AMPH: variants seen among roughly 807,000 people sequenced by gnomAD.
AMPH encodes amphiphysin.
A neutral mutation model predicts 99.1 loss-of-function variants in AMPH; 49 were observed. The observed-to-expected ratio is 0.49, with a 90% CI of 0.39 to 0.63. The LOEUF (loss-of-function observed/expected upper bound fraction) is 0.63. AMPH is among the 20% of genes least tolerant of loss of function. The pLI is 0.00. For synonymous variants in AMPH, 314 were observed against 317.3 expected, an observed-to-expected ratio of 0.99 and a Z score of 0.11; for missense variants, 759 against 863.4, an observed-to-expected ratio of 0.88 and a Z score of 1.52.
chr7:38,449,677 T>C (rs1036488517), intron 11 of AMPH, among the ~76,000 whole-genome samples: 1 of 152,228 alleles, frequency 6.6e-6, no homozygotes, highest in Non-Finnish European at 1.5e-5. Context: ...CTGACTAAAT[T>C]TGGGCTTGAA....
chr7:38,520,155 TTC>T lies in AMPH; in HGVS notation c.150+14774_150+14775del, dbSNP rs367734151. Among the ~76,000 whole-genome samples the T allele has an allele frequency of 3.8e-3, 577 of 152,280 alleles. 5 individuals are homozygous for T. Among genetic ancestry groups the T allele is most frequent in the Non-Finnish European group, 6.5e-3 (442 of 68,016 alleles). ...TCAGTTTAACTATATCTATAAAACA[TTC>T]TGTTGGAATTATGATTTATATGGCC... On this transcript the variant is annotated intron_variant, in intron 2 of 20. Coordinates refer to ENST00000356264, the MANE Select transcript of AMPH (RefSeq NM_001635.4).
chr7:38,416,125 ATT>A (rs1562738554), intron 17 of AMPH, among the ~76,000 whole-genome samples: 1 of 133,776 alleles, frequency 7.5e-6, no homozygotes, highest in East Asian at 2.4e-4. Flanking sequence ...ATATATATAT[ATT>A]AGCTATTACA....
chr7:38,517,523 G>A (rs1789795691), intron 2 of AMPH, among the ~76,000 whole-genome samples: 1 of 152,128 alleles, frequency 6.6e-6, no homozygotes, highest in Admixed American at 6.5e-5. Flanking sequence ...GGAATCATGA[G>A]CCAATTAAAC....
chr7:38,534,179 G>T (rs1466641321), intron 2 of AMPH, among the ~76,000 whole-genome samples: 3 of 151,908 alleles, frequency 2.0e-5, no homozygotes, highest in African/African-American at 7.3e-5. Flanking sequence ...ACACTAAAAA[G>T]GTTTTCTTCA....
At chr7:38,468,778 T>C (rs527345044) in intron 7 of AMPH, among the ~76,000 whole-genome samples, 28 of 152,142 alleles carry the variant, frequency 1.8e-4, no homozygotes, top group Non-Finnish European at 3.4e-4. Context: ...AGCCAGTGAA[T>C]GAAGAAACTT....
chr7:38,427,563 T>C (rs1327599602), intron 14 of AMPH, among the ~76,000 whole-genome samples: 9 of 151,928 alleles, frequency 5.9e-5, no homozygotes, highest in Non-Finnish European at 4.4e-5. Context: ...ACATAGACTG[T>C]CATTAATTCC....
At chr7:38,428,348 C>T (rs1308299362) in intron 14 of AMPH, 3 of 456,564 alleles carry the variant, frequency 6.6e-6, no homozygotes, top group African/African-American at 2.0e-5. Context: ...TTCTTTCAGA[C>T]CCTTCTATTA....
At chr7:38,458,962 G>GA (rs1193057355) in intron 11 of AMPH, among the ~76,000 whole-genome samples, 2 of 151,822 alleles carry the variant, frequency 1.3e-5, no homozygotes, top group South Asian at 2.1e-4. Context: ...CTTATAGCTA[G>GA]AAAAAATGAA....
intron 5 of AMPH, among the ~76,000 whole-genome samples, chr7:38,482,593 A>G (rs1010595579): frequency 6.6e-6 from 1 of 152,236 alleles, no homozygotes; most frequent in Middle Eastern, 3.4e-3. Context: ...TTCTAAATAT[A>G]GTACAATAAC....
chr7:38,435,380 G>A (rs1241688793), intron 12 of AMPH, among the ~76,000 whole-genome samples: 1 of 152,120 alleles, frequency 6.6e-6, no homozygotes, highest in African/African-American at 2.4e-5. Context: ...CAAGGCCAGG[G>A]AATCAAGCTA....
chr7:38,570,830 G>A (rs980397493), intron 1 of AMPH, among the ~76,000 whole-genome samples: 3 of 144,410 alleles, frequency 2.1e-5, no homozygotes, highest in Non-Finnish European at 3.0e-5. Flanking sequence ...CCTTCCAGTA[G>A]GACAAGGCGT....
In AMPH at chr7:38,461,169, C is replaced by A. The variant is rs564854856; in HGVS notation, c.1017+114G>T. The A allele has an allele frequency of 1.8e-5, 22 of 1,223,828 alleles. No homozygotes were observed. The African/African-American group carries it at 2.4e-4, about 13-fold the overall frequency. The allele number at this position is 1,223,828 out of a possible 1,614,324, so 75.8% of individuals were successfully genotyped here. A position where few individuals can be genotyped will look rare whatever the true frequency, so the allele number is the denominator to read the frequency against. Reference sequence around the variant, plus strand: ...AAGTAATTAAAACAAGCCTGAATGACAATTAAAATTATGTTGTTGGTTCTG... The same window carrying A: ...AAGTAATTAAAACAAGCCTGAATGAAAATTAAAATTATGTTGTTGGTTCTG... On this transcript the variant is annotated intron_variant, in intron 11 of 20. Coordinates refer to ENST00000356264, the MANE Select transcript of AMPH (RefSeq NM_001635.4).
intron 11 of AMPH, among the ~76,000 whole-genome samples, chr7:38,444,277 C>G (rs1261343483): frequency 6.6e-6 from 1 of 152,100 alleles, no homozygotes; most frequent in Non-Finnish European, 1.5e-5. Flanking sequence ...AATATCTGTA[C>G]TGCTTTGAAT....
At chr7:38,392,275 G>A (rs6951108) in intron 18 of AMPH, among the ~76,000 whole-genome samples, 6,444 of 151,954 alleles carry the variant, frequency 0.042, 173 homozygotes, top group Admixed American at 0.065. Flanking sequence ...GTTTCGGTGG[G>A]AATTGGGAGG....
rs374336680 is a variant in AMPH at position 38,429,770 on chromosome 7, T to C, written c.1182+72A>G. The C allele has an allele frequency of 6.1e-6, 9 of 1,471,746 alleles. 1 individual carries two copies. The Middle Eastern group carries it at 7.4e-4, about 120-fold the overall frequency. 91.2% of individuals were successfully genotyped at this position (1,471,746 alleles called of 1,614,324 possible). A position where few individuals can be genotyped will look rare whatever the true frequency, so the allele number is the denominator to read the frequency against. The stretch of plus-strand genomic sequence containing the variant: ...AATGCCATGGGGAAACAGTTCATTC[T>C]AGAAAATATACTATGTATGTAATGC... On this transcript the variant is annotated intron_variant, in intron 14 of 20. Transcript: ENST00000356264.
intron 11 of AMPH, among the ~76,000 whole-genome samples, chr7:38,450,479 G>T (rs527841591): frequency 6.8e-6 from 1 of 147,948 alleles, no homozygotes; most frequent in African/African-American, 2.6e-5. Flanking sequence ...AGTGCCATCT[G>T]GTCAGGGCAT....
In AMPH at chr7:38,465,383, A is replaced by G; in HGVS notation, c.749+84T>C. 3 of 1,192,448 alleles carry G rather than the reference A, an allele frequency of 2.5e-6. No individual in the cohort carries two copies. In the South Asian group the frequency reaches 4.6e-5, roughly 18 times the overall value. The allele number at this position is 1,192,448 out of a possible 1,614,324, so 73.9% of individuals were successfully genotyped here. On this transcript the variant is annotated intron_variant, in intron 9 of 20. Transcript: ENST00000356264. ...GCTCCTGTGGGACTTTTGTAGGATA[A>G]ATAAAATAGTACAGGCTGGTCCACA...
At position 38,473,621 on chromosome 7, in the gene AMPH, G is replaced by A. The variant is rs866481414; in HGVS notation, c.590+1710C>T. Among the ~76,000 whole-genome samples the A allele has an allele frequency of 2.0e-5, 2 of 97,562 alleles. 1 individual carries two copies. Among genetic ancestry groups the A allele is most frequent in the East Asian group, 8.5e-4 (2 of 2,360 alleles). The allele number at this position is 97,562 out of a possible 152,430, so 64.0% of individuals were successfully genotyped here. ...CGGGAGGCTGAGGCAGGAGAATGGC[G>A]TGAACCCGGGAAGCGGAGCTTGCAG... is the stretch of plus-strand genomic sequence containing the variant. On this transcript the variant is annotated intron_variant, in intron 7 of 20. Transcript: ENST00000356264.
intron 1 of AMPH, among the ~76,000 whole-genome samples, chr7:38,565,491 T>G (rs191661921): frequency 1.3e-5 from 2 of 152,320 alleles, no homozygotes; most frequent in East Asian, 1.9e-4. Flanking sequence ...TTTTTTTCTG[T>G]GCACGTGCTC....
Sources: gnomAD v4.1 joint callset for allele counts (sites outside exome capture counted in the v4.1 genomes callset) on GRCh38, gnomAD v4.1.1 for gene constraint, MANE v1.5 for transcripts, NCBI Gene and HGNC (gene_info 2026-07-23, HGNC 2026-07-21) for gene names.